Variants in CDH13 observed in about 807,000 individuals in gnomAD.
CDH13 encodes cadherin 13, also known as cadherin-13.
Under a neutral mutation model 63.8 loss-of-function variants are expected in CDH13, and 24 were observed. The observed-to-expected ratio is 0.38, with a 90% CI of 0.27 to 0.53. The LOEUF (loss-of-function observed/expected upper bound fraction) is 0.53, where lower values mean the gene tolerates loss of function less well. Among genes scored for constraint, CDH13 ranks in the 20% least tolerant of loss-of-function variants. The pLI, the probability that CDH13 is intolerant of heterozygous loss-of-function variation, is 0.85. For missense variants in CDH13, 1,049 were observed against 903.1 expected (o/e 1.16, Z -2.07); for synonymous variants, 503 against 355.3 (o/e 1.42, Z -4.67).
chr16:83,053,869 C>G (rs1285957881), intron 3 of CDH13, among the ~76,000 whole-genome samples: 1 of 152,156 alleles, frequency 6.6e-6, no homozygotes, highest in Admixed American at 6.5e-5. Context: ...TACCTGAAAC[C>G]TCTGATAGTA....
chr16:83,616,239 A>G (rs886074265), intron 8 of CDH13, among the ~76,000 whole-genome samples: 8 of 152,214 alleles, frequency 5.3e-5, no homozygotes, highest in African/African-American at 1.9e-4. Context: ...ATGTCAAAAC[A>G]TCTGGATTTT....
chr16:83,791,297 G>A (rs1318502677), intron 13 of CDH13, among the ~76,000 whole-genome samples: 1 of 152,142 alleles, frequency 6.6e-6, no homozygotes, highest in Non-Finnish European at 1.5e-5. Flanking sequence ...AGGATTTCGA[G>A]ACTAGCCTGA....
intron 10 of CDH13, among the ~76,000 whole-genome samples, chr16:83,745,480 C>T (rs1456983752): frequency 6.6e-6 from 1 of 152,172 alleles, no homozygotes; most frequent in Non-Finnish European, 1.5e-5. Flanking sequence ...TTCTGAGACT[C>T]CAGGAGAGGC....
chr16:82,681,764 A>G (rs1449461439), intron 1 of CDH13, among the ~76,000 whole-genome samples: 1 of 152,206 alleles, frequency 6.6e-6, no homozygotes, highest in Non-Finnish European at 1.5e-5. Context: ...GCACAGCAGT[A>G]CCAGAGAATT....
intron 5 of CDH13, among the ~76,000 whole-genome samples, chr16:83,249,654 T>G (rs1380763211): frequency 6.6e-6 from 1 of 152,222 alleles, no homozygotes; most frequent in Non-Finnish European, 1.5e-5. Context: ...GAAGTAGATT[T>G]GTAGCAGAAA....
chr16:83,557,612 C>G (rs4357934), intron 7 of CDH13, among the ~76,000 whole-genome samples: 48,726 of 152,050 alleles, frequency 0.32, 8,570 homozygotes, highest in East Asian at 0.41. Flanking sequence ...CTCAGGGTGA[C>G]ATACTCTGCT....
chr16:83,210,568 T>C (rs985493288), intron 4 of CDH13, among the ~76,000 whole-genome samples: 2 of 152,062 alleles, frequency 1.3e-5, no homozygotes, highest in Non-Finnish European at 2.9e-5. Context: ...CATACTGTTC[T>C]AGGCTCTGAG....
At chr16:83,028,617 C>G (rs1261486140) in intron 2 of CDH13, among the ~76,000 whole-genome samples, 1 of 152,158 alleles carries the variant, frequency 6.6e-6, no homozygotes, top group Non-Finnish European at 1.5e-5. Context: ...GCTAATTTGT[C>G]CTATACATAC....
chr16:83,108,414 T>C (rs11643729), intron 3 of CDH13, among the ~76,000 whole-genome samples: 30,716 of 152,046 alleles, frequency 0.2, 4,046 homozygotes, highest in East Asian at 0.45. Context: ...GAAACAGAAG[T>C]TATTGGACAA....
intron 3 of CDH13, among the ~76,000 whole-genome samples, chr16:83,065,543 A>G (rs1193575961): frequency 6.6e-6 from 1 of 152,050 alleles, no homozygotes; most frequent in African/African-American, 2.4e-5. Context: ...CGTCTCTACT[A>G]AAAATATGAA....
chr16:83,784,365 C>T (rs1432969656), intron 13 of CDH13, among the ~76,000 whole-genome samples: 3 of 152,084 alleles, frequency 2.0e-5, no homozygotes, highest in Non-Finnish European at 4.4e-5. Context: ...GGCACGGTGG[C>T]TCACACCTAT....
chr16:82,734,549 C>G (rs1233244550), intron 1 of CDH13, among the ~76,000 whole-genome samples: 2 of 152,170 alleles, frequency 1.3e-5, no homozygotes, highest in African/African-American at 4.8e-5. Flanking sequence ...CAGGAGGACT[C>G]TCGCTCTTTG....
At chr16:83,653,680 GT>G (rs780836110) in intron 8 of CDH13, among the ~76,000 whole-genome samples, 7 of 152,134 alleles carry the variant, frequency 4.6e-5, no homozygotes, top group Non-Finnish European at 8.8e-5. Context: ...TTGGGAAGAG[GT>G]TTAGAAAGGA....
intron 11 of CDH13, among the ~76,000 whole-genome samples, chr16:83,759,283 C>A (rs779153683): frequency 6.6e-6 from 1 of 152,112 alleles, no homozygotes; most frequent in Non-Finnish European, 1.5e-5. Flanking sequence ...CACAACACAG[C>A]AGTGCAGGTG....
At chr16:82,956,705 C>T (rs898421747) in intron 2 of CDH13, among the ~76,000 whole-genome samples, 1 of 152,214 alleles carries the variant, frequency 6.6e-6, no homozygotes, top group East Asian at 1.9e-4. Context: ...CAGAGCCAAA[C>T]CAAATCTCTT....
At chr16:83,326,385 T>C (rs992171479) in intron 5 of CDH13, among the ~76,000 whole-genome samples, 1 of 152,108 alleles carries the variant, frequency 6.6e-6, no homozygotes, top group Non-Finnish European at 1.5e-5. Context: ...AGAAACATCA[T>C]TGTCCTAATG....
At chr16:83,447,951 G>A (rs555746954) in intron 6 of CDH13, among the ~76,000 whole-genome samples, 1 of 152,068 alleles carries the variant, frequency 6.6e-6, no homozygotes, top group Non-Finnish European at 1.5e-5. Context: ...AGTCTCCTCT[G>A]TTACAGGGAA....
intron 1 of CDH13, among the ~76,000 whole-genome samples, chr16:82,760,470 T>C (rs571775756): frequency 1.3e-5 from 2 of 152,276 alleles, no homozygotes; most frequent in South Asian, 2.1e-4. Context: ...GTACTTTTAT[T>C]AATATTATGG....
At chr16:83,391,103 C>G (rs376092233) in intron 6 of CDH13, among the ~76,000 whole-genome samples, 6 of 152,334 alleles carry the variant, frequency 3.9e-5, no homozygotes, top group African/African-American at 1.4e-4. Flanking sequence ...CCTCTAACCT[C>G]CTTCACCATC....
Sources: allele counts gnomAD v4.1 joint callset (sites outside exome capture counted in the v4.1 genomes callset), GRCh38; gene constraint gnomAD v4.1.1; transcripts MANE v1.5; gene names NCBI Gene and HGNC (gene_info 2026-07-23, HGNC 2026-07-21).